The following CAST variants were observed in gnomAD, a reference collection of about 807,000 sequenced individuals.
CAST encodes the protein MIR583 host.
A neutral mutation model predicts 119.6 loss-of-function variants in CAST; 76 were observed. The observed-to-expected ratio is 0.64, with a 90% confidence interval of 0.53 to 0.77. The LOEUF is 0.77. Ranked by LOEUF, CAST falls within the 30% of genes least tolerant of loss-of-function variation. The pLI is 0.00. For synonymous variants in CAST, 319 were observed against 331.6 expected, an observed-to-expected ratio of 0.96 and a Z score of 0.41; for missense variants, 953 against 946.5, an observed-to-expected ratio of 1.01 and a Z score of -0.09.
chr5:96,603,955 T>C (rs1263451656), intron 1 of CAST, among the ~76,000 whole-genome samples: 1 of 151,784 alleles, frequency 6.6e-6, no homozygotes, highest in Non-Finnish European at 1.5e-5. Flanking sequence ...TGTAGAAACG[T>C]GCCCTCCCTA....
intron 1 of CAST, among the ~76,000 whole-genome samples, chr5:96,586,643 AT>A (rs1746866475): frequency 6.6e-6 from 1 of 152,234 alleles, no homozygotes. Flanking sequence ...GAAGATTGCA[AT>A]TCATAAAAGC....
chr5:96,003,738 G>A, the CAST span, among the ~76,000 whole-genome samples: 1 of 152,020 alleles, frequency 6.6e-6, no homozygotes, highest in East Asian at 1.9e-4. Context: ...AATGAAATTT[G>A]TCTAAAATCC....
At chr5:96,258,835 C>T in the CAST span, among the ~76,000 whole-genome samples, 2 of 152,176 alleles carry the variant, frequency 1.3e-5, no homozygotes, top group African/African-American at 2.4e-5. Flanking sequence ...GCACTATACA[C>T]CATGGCCACA....
chr5:96,178,742 G>T, the CAST span, among the ~76,000 whole-genome samples: 1 of 152,292 alleles, frequency 6.6e-6, no homozygotes, highest in Non-Finnish European at 1.5e-5. Flanking sequence ...GCCCTTCCTG[G>T]GGAAAATCAG....
chr5:95,962,023 G>C, the CAST span: 5 of 408,710 alleles, frequency 1.2e-5, no homozygotes, highest in East Asian at 7.1e-5. Flanking sequence ...CTCCTGGGAC[G>C]GGACGTCCGA....
chr5:96,056,718 G>C, the CAST span, among the ~76,000 whole-genome samples: 1 of 152,150 alleles, frequency 6.6e-6, no homozygotes, highest in Non-Finnish European at 1.5e-5. Flanking sequence ...AGATATTCAA[G>C]TGAGAGATAA....
chr5:96,398,034 G>C, the CAST span, among the ~76,000 whole-genome samples: 1 of 151,918 alleles, frequency 6.6e-6, no homozygotes, highest in Non-Finnish European at 1.5e-5. Context: ...AAATTTTTAA[G>C]TCCCAGCCCT....
At chr5:96,382,689 G>C in the CAST span, among the ~76,000 whole-genome samples, 1 of 152,190 alleles carries the variant, frequency 6.6e-6, no homozygotes, top group African/African-American at 2.4e-5. Context: ...CTGACAGAGA[G>C]TGGGTGTTTC....
the CAST span, among the ~76,000 whole-genome samples, chr5:96,474,746 C>T: frequency 6.6e-6 from 1 of 152,010 alleles, no homozygotes; most frequent in Non-Finnish European, 1.5e-5. Flanking sequence ...CTTCTGGCTG[C>T]ATGGTAAAAA....
chr5:96,748,344 G>A (rs1278690631), intron 18 of CAST, among the ~76,000 whole-genome samples, 174 bp from the exon 19 acceptor site: 3 of 152,046 alleles, frequency 2.0e-5, no homozygotes, highest in Non-Finnish European at 4.4e-5. Flanking sequence ...ATTGTTTCAT[G>A]AAAATTTTAT....
At chr5:96,432,848 A>C in the CAST span, 22 of 1,611,362 alleles carry the variant, frequency 1.4e-5, no homozygotes, top group Admixed American at 3.5e-4. Context: ...GTTTCTTGAA[A>C]GTGGAAACTC....
intron 11 of CAST, 53 bp from the exon 12 acceptor site, chr5:96,739,985 C>T (rs1415494238): frequency 3.7e-6 from 3 of 813,748 alleles, no homozygotes; most frequent in Non-Finnish European, 6.2e-6. Flanking sequence ...ATGCATATAG[C>T]ATTGTCAGGT....
chr5:96,008,990 T>C, the CAST span, among the ~76,000 whole-genome samples: 1 of 152,024 alleles, frequency 6.6e-6, no homozygotes, highest in Non-Finnish European at 1.5e-5. Flanking sequence ...CAGTCGACAG[T>C]GTTTATTGAT....
intron 29 of CAST, chr5:96,768,483 G>A (rs1369021073): frequency 2.4e-6 from 1 of 420,006 alleles, no homozygotes; most frequent in Non-Finnish European, 4.6e-6. Context: ...CCCCAAAACA[G>A]TATTATTTTG....
chr5:96,544,757 A>G (rs950013320), intron 1 of CAST, among the ~76,000 whole-genome samples: 7 of 152,062 alleles, frequency 4.6e-5, no homozygotes, highest in African/African-American at 1.7e-4. Context: ...TATTAACCCA[A>G]CATATCGATA....
chr5:96,405,858 GC>G, the CAST span, among the ~76,000 whole-genome samples: 1 of 152,174 alleles, frequency 6.6e-6, no homozygotes, highest in African/African-American at 2.4e-5. Flanking sequence ...ACAAGGATGG[GC>G]TAGGCACGGC....
At chr5:96,565,549 A>G (rs1746451191) in intron 1 of CAST, among the ~76,000 whole-genome samples, 1 of 152,256 alleles carries the variant, frequency 6.6e-6, no homozygotes, top group African/African-American at 2.4e-5. Context: ...GCTATTTAAC[A>G]TGATCCTTGG....
At chr5:96,177,164 C>T in the CAST span, among the ~76,000 whole-genome samples, 2 of 152,108 alleles carry the variant, frequency 1.3e-5, no homozygotes, top group African/African-American at 4.8e-5. Context: ...CTGCACTTTA[C>T]CAACGGAGTA....
At chr5:96,470,187 T>TCACA in the CAST span, among the ~76,000 whole-genome samples, 961 of 144,748 alleles carry the variant, frequency 6.6e-3, 4 homozygotes, top group Non-Finnish European at 0.011. Context: ...AAATAAATGC[T>TCACA]CACACACACA....
Sources: gnomAD v4.1 joint callset for allele counts (sites outside exome capture counted in the v4.1 genomes callset) on GRCh38, gnomAD v4.1.1 for gene constraint, MANE v1.5 for transcripts, NCBI Gene and HGNC (gene_info 2026-07-23, HGNC 2026-07-21) for gene names.